CACNG7: variants seen among roughly 807,000 people sequenced by gnomAD.
CACNG7 encodes the protein calcium voltage-gated channel auxiliary subunit gamma 7.
In CACNG7, 9 loss-of-function variants were observed where a neutral mutation model predicts 26.3. The ratio of observed to expected loss-of-function variants is 0.34; its 90% confidence interval spans 0.21 to 0.60. The LOEUF is 0.60. Ranked by LOEUF, CACNG7 falls within the 20% of genes least tolerant of loss-of-function variation. CACNG7 has a pLI of 0.81. For synonymous variants in CACNG7, 170 were observed against 157.0 expected (o/e 1.08, Z -0.62); for missense variants, 297 against 380.4 (o/e 0.78, Z 1.82).
At chr19:53,924,195 G>GAGTTGGTCCCAGGTCTGGTCATTGGTGT (rs1568777154) in intron 4 of CACNG7, among the ~76,000 whole-genome samples, 65 of 132,956 alleles carry the variant, frequency 4.9e-4, no homozygotes, top group African/African-American at 2.0e-3. Context: ...GTCATTGGTG[G>GAGTTGGTCCCAGGTCTGGTCATTGGTGT]AGTTGTCCCA....
In CACNG7 at chr19:53,941,177, G is replaced by A. The variant is rs2069135239; in HGVS notation, c.425-293G>A. On this transcript the variant is annotated intron_variant, in intron 4 of 5. Transcript: ENST00000391767. ...CTCCTTCCAGAGTCCCACACAGCGT[G>A]CTACTTCCTTGTAGCACCTATCACC... is the stretch of plus-strand genomic sequence containing the variant. Among the ~76,000 whole-genome samples the A allele has an allele frequency of 2.6e-5, 4 of 152,212 alleles. 1 individual carries two copies. In the South Asian group the frequency reaches 8.3e-4, roughly 32 times the overall value.
At chr19:53,921,132 TCTGGTCATTGGTGGAGTTGCCCCAGG>T (rs1444772435) in intron 4 of CACNG7, among the ~76,000 whole-genome samples, 3 of 73,274 alleles carry the variant, frequency 4.1e-5, no homozygotes, top group African/African-American at 1.7e-4. Context: ...TTGCCCCAGG[TCTGGTCATTGGTGGAGTTGCCCCAGG>T]CTGGTCATTG....
chr19:53,919,555 T>C (rs867609441), intron 4 of CACNG7, among the ~76,000 whole-genome samples: 1 of 139,770 alleles, frequency 7.2e-6, no homozygotes, highest in Non-Finnish European at 1.5e-5. Context: ...ATTGGTGGAG[T>C]TGCCCCAGGC....
chr19:53,913,090 G>A, intron 2 of CACNG7, 63 bp downstream of exon 2: 5 of 1,437,120 alleles, frequency 3.5e-6, no homozygotes, highest in Non-Finnish European at 4.8e-6. Context: ...GAGAGTCTTA[G>A]CCATAGTCCC....
chr19:53,913,757 C>A (rs1161799013), intron 2 of CACNG7, among the ~76,000 whole-genome samples: 1 of 141,648 alleles, frequency 7.1e-6, no homozygotes, highest in Non-Finnish European at 1.5e-5. Context: ...GTACTCCAAC[C>A]TGGGTGACAG....
At chr19:53,913,973 C>A (rs1437164124) in intron 2 of CACNG7, among the ~76,000 whole-genome samples, 1 of 151,694 alleles carries the variant, frequency 6.6e-6, no homozygotes, top group East Asian at 1.9e-4. Context: ...GTCTCTAGGG[C>A]AGTTAGAAAG....
chr19:53,930,529 C>T (rs924932529), intron 4 of CACNG7, among the ~76,000 whole-genome samples: 7 of 152,244 alleles, frequency 4.6e-5, no homozygotes, highest in South Asian at 2.1e-4. Flanking sequence ...CCTGCCACCA[C>T]GCTCTGCTAA....
intron 4 of CACNG7, among the ~76,000 whole-genome samples, chr19:53,929,122 CAA>C (rs1297562260): frequency 7.9e-5 from 4 of 50,510 alleles, no homozygotes; most frequent in East Asian, 9.5e-4. Flanking sequence ...AAAAAAAAAA[CAA>C]AAAAAAAAAA....
At chr19:53,935,696 A>G (rs544863645) in intron 4 of CACNG7, among the ~76,000 whole-genome samples, 2 of 116,612 alleles carry the variant, frequency 1.7e-5, no homozygotes, top group Non-Finnish European at 1.6e-5. Context: ...CTGGAGTGCA[A>G]TGGCGCGATC....
chr19:53,930,165 A>T (rs1016321657), intron 4 of CACNG7, among the ~76,000 whole-genome samples: 6 of 148,984 alleles, frequency 4.0e-5, no homozygotes, highest in African/African-American at 1.5e-4. Flanking sequence ...CAAGGTTTTT[A>T]AATGTTTTTC....
chr19:53,915,485 G>A lies in CACNG7; in HGVS notation c.404G>A (p.Gly135Asp). 6.2e-7 allele frequency: 1 copy of A among 1,614,102 alleles called. No homozygotes were observed. Among genetic ancestry groups the A allele is most frequent in the Non-Finnish European group, 8.5e-7 (1 of 1,180,024 alleles). Reference protein sequence around the residue: ...PQRTILAFVSGIFFILSGLSL... With the variant: ...PQRTILAFVSDIFFILSGLSL... Reference sequence around the variant, plus strand: ...AGGACCATTCTGGCTTTTGTCTCTGGCATCTTCTTCATACTATCGGGTGAG... The same window carrying A: ...AGGACCATTCTGGCTTTTGTCTCTGACATCTTCTTCATACTATCGGGTGAG... The change falls in exon 4 of 6, where the codon GGC (glycine) becomes GAC (aspartate). Residue 135 changes from glycine to aspartate, a missense_variant. Coordinates refer to ENST00000391767, the MANE Select transcript of CACNG7 (RefSeq NM_031896.5).
At chr19:53,923,038 T>TCCCAGGCCTGGTCATTGGTGCAGTTGTC (rs2068977257) in intron 4 of CACNG7, among the ~76,000 whole-genome samples, 3 of 107,562 alleles carry the variant, frequency 2.8e-5, no homozygotes, top group African/African-American at 9.4e-5. Flanking sequence ...GGTGCAGTTG[T>TCCCAGGCCTGGTCATTGGTGCAGTTGTC]CCCAGGCCTG....
chr19:53,912,950 C>G lies in CACNG7; in HGVS notation c.119C>G (p.Thr40Arg). ...TACTGGCTGTACATGGAAGAAGGCA[C>G]AGTGCTACCGCAGAACCAGACCACC... ...TDYWLYMEEG[T>R]VLPQNQTTEV... Residue 40 changes from threonine (T) to arginine (R), a missense_variant, in exon 2 of 6, where the codon ACA becomes AGA. By Grantham distance (71) the Thr-to-Arg change is moderately conservative. Transcript: ENST00000391767. This position sits in a 1 kb window ranked among gnomAD's most constrained non-coding sequence, Gnocchi z 4.6. 6.2e-7 allele frequency: 1 copy of G among 1,614,112 alleles called. No individual in the cohort carries two copies.
chr19:53,941,639 C>T (rs1600005274), intron 5 of CACNG7, 24 bp downstream of exon 5: 1 of 1,604,104 alleles, frequency 6.2e-7, no homozygotes, highest in East Asian at 2.2e-5. Context: ...GACCTAGACT[C>T]TAGAGTTCTG....
intron 4 of CACNG7, among the ~76,000 whole-genome samples, chr19:53,935,077 A>C (rs2069096760): frequency 6.7e-6 from 1 of 148,426 alleles, no homozygotes; most frequent in Non-Finnish European, 1.5e-5. Context: ...CACACGTTAT[A>C]TATACATATA....
Position 53,921,739 on chromosome 19 carries a change from T to C in CACNG7, c.424+6234T>C, listed in dbSNP as rs187692782. ...TGTCCCAGGCTGGTCATTGGTGGAG[T>C]TGCCCCAGGTCTGGTATTGGTGGAG... is the stretch of plus-strand genomic sequence containing the variant. On this transcript the variant is annotated intron_variant, in intron 4 of 5. Coordinates refer to ENST00000391767, the MANE Select transcript of CACNG7 (RefSeq NM_031896.5). Among the ~76,000 whole-genome samples the C allele has an allele frequency of 7.8e-3, 650 of 83,746 alleles. 2 individuals are homozygous for C. Among genetic ancestry groups the C allele is most frequent in the Non-Finnish European group, 0.011 (462 of 43,964 alleles). 54.9% of individuals were successfully genotyped at this position (83,746 alleles called of 152,430 possible).
chr19:53,927,890 A>C (rs1334099266), intron 4 of CACNG7, among the ~76,000 whole-genome samples: 1 of 151,884 alleles, frequency 6.6e-6, no homozygotes, highest in African/African-American at 2.4e-5. Context: ...ACAGAGGTCG[A>C]CGCCAGTGCA....
Position 53,915,515 on chromosome 19 carries a change from A to G in CACNG7, c.424+10A>G, listed in dbSNP as rs1026402611. Reference sequence around the variant, plus strand: ...TTCTTCATACTATCGGGTGAGCCTAAGGACTTGGGGGTTGGGGGGGACCAT... The same window carrying G: ...TTCTTCATACTATCGGGTGAGCCTAGGGACTTGGGGGTTGGGGGGGACCAT... On this transcript the variant is annotated intron_variant, in intron 4 of 5. Coordinates refer to ENST00000391767, the MANE Select transcript of CACNG7 (RefSeq NM_031896.5). 8 of 1,613,718 alleles carry G rather than the reference A, an allele frequency of 5.0e-6. No homozygotes were observed. Among genetic ancestry groups the G allele is most frequent in the Non-Finnish European group, 6.8e-6 (8 of 1,179,868 alleles).
chr19:53,943,544 G>A lies in CACNG7; in HGVS notation c.*1251G>A, dbSNP rs959775561. 7.5e-6 allele frequency: 1 copy of A among 133,480 alleles called. No homozygotes were observed. The highest frequency in any genetic ancestry group is 1.6e-5 in the Non-Finnish European group (1 of 61,546). The allele number at this position is 133,480 out of a possible 1,614,324, so 8.3% of individuals were successfully genotyped here. A position where few individuals can be genotyped will look rare whatever the true frequency, so the allele number is the denominator to read the frequency against. On this transcript the variant is annotated 3_prime_UTR_variant, in exon 6 of 6. Coordinates refer to ENST00000391767, the MANE Select transcript of CACNG7 (RefSeq NM_031896.5). ...TTAGTTTGCATCTTAGGTGGGAGGG[G>A]GGAGGGGGGACCCGCCGCAGTTAAC...
Sources: allele counts gnomAD v4.1 joint callset (sites outside exome capture counted in the v4.1 genomes callset), GRCh38; gene constraint gnomAD v4.1.1; non-coding constraint Gnocchi (gnomAD v3.1); transcripts MANE v1.5; gene names NCBI Gene and HGNC (gene_info 2026-07-23, HGNC 2026-07-21).